TMEM184B: variants seen among roughly 807,000 people sequenced by gnomAD.
TMEM184B encodes the protein transmembrane protein 184B.
A neutral mutation model predicts 41.8 loss-of-function variants in TMEM184B; 17 were observed. The ratio of observed to expected loss-of-function variants is 0.41; its 90% CI spans 0.28 to 0.61. The LOEUF is 0.61. TMEM184B is among the 20% of genes least tolerant of loss of function. The probability of loss-of-function intolerance (pLI) is 0.34; values close to 1 mark genes in which losing one functional copy is unlikely to be tolerated. For missense variants in TMEM184B, 393 were observed against 557.8 expected (o/e 0.70, Z 2.98); for synonymous variants, 240 against 229.5 (o/e 1.05, Z -0.41).
Position 38,219,618 on chromosome 22 carries a change from C to A in TMEM184B, c.*1851G>T. ...ACATGTTCCCGTCCCCACGACCCCA[C>A]GGACCGCTGATTCCCTGCCACTGAG... is the stretch of plus-strand genomic sequence containing the variant. On this transcript the variant is annotated 3_prime_UTR_variant, in exon 9 of 9. Coordinates refer to ENST00000361906, the MANE Select transcript of TMEM184B (RefSeq NM_012264.5). 2 of 985,488 alleles carry A rather than the reference C, an allele frequency of 2.0e-6. No individual in the cohort carries two copies. Among genetic ancestry groups the A allele is most frequent in the Non-Finnish European group, 2.4e-6 (2 of 829,936 alleles). 61.0% of individuals were successfully genotyped at this position (985,488 alleles called of 1,614,324 possible).
chr22:38,258,005 G>A (rs911568562), intron 1 of TMEM184B, among the ~76,000 whole-genome samples: 3 of 152,042 alleles, frequency 2.0e-5, no homozygotes, highest in Non-Finnish European at 2.9e-5. Context: ...CAAATTCAAG[G>A]ACCCCCACCT....
At position 38,239,498 on chromosome 22, in the gene TMEM184B, T is replaced by TGGTTGG. The variant is rs1896955561; in HGVS notation, c.358+6431_358+6436dup. The stretch of plus-strand genomic sequence containing the variant: ...CGCTCCATGGTCACCGAGTGGCGGA[T>TGGTTGG]GGTTGGGGGTGGGGGTGGGAGTCAG... On this transcript the variant is annotated intron_variant, in intron 3 of 8. Transcript: ENST00000361906. The surrounding 1 kb of genome is among the most constrained non-coding windows in gnomAD (Gnocchi z 4.6). 6.6e-6 allele frequency: 1 copy of TGGTTGG among 151,264 alleles called. No individual in the cohort carries two copies. Among genetic ancestry groups the TGGTTGG allele is most frequent in the African/African-American group, 2.4e-5 (1 of 41,154 alleles). The allele number at this position is 151,264 out of a possible 1,614,324, so 9.4% of individuals were successfully genotyped here. A position where few individuals can be genotyped will look rare whatever the true frequency, so the allele number is the denominator to read the frequency against.
chr22:38,245,810 TAGG>T, intron 3 of TMEM184B, 122 bp downstream of exon 3: 1 of 989,226 alleles, frequency 1.0e-6, no homozygotes, highest in South Asian at 1.6e-5. Context: ...AACCCTGTAG[TAGG>T]TAAAGCAGCA....
rs2091248941 is a variant in TMEM184B at position 38,221,180 on chromosome 22, C to T, written c.*289G>A. ...GGGGCCTGGGTGCGGCTGGTCCCAG[C>T]ATGCCCCCAGCACAGGACGGGCAGC... On this transcript the variant is annotated 3_prime_UTR_variant, in exon 9 of 9. Coordinates refer to ENST00000361906, the MANE Select transcript of TMEM184B (RefSeq NM_012264.5). 2 of 1,254,842 alleles carry T rather than the reference C, an allele frequency of 1.6e-6. No homozygotes were observed. The highest frequency in any genetic ancestry group is 4.8e-5 in the South Asian group (2 of 42,014). 77.7% of individuals were successfully genotyped at this position (1,254,842 alleles called of 1,614,324 possible).
intron 1 of TMEM184B, among the ~76,000 whole-genome samples, chr22:38,267,007 C>T (rs1472356255): frequency 6.6e-6 from 1 of 151,404 alleles, no homozygotes; most frequent in Non-Finnish European, 1.5e-5. Flanking sequence ...GGCTTGAACC[C>T]GGGAAGCGGA....
intron 1 of TMEM184B, among the ~76,000 whole-genome samples, chr22:38,271,919 C>T (rs1602520229): frequency 6.6e-6 from 1 of 152,224 alleles, no homozygotes; most frequent in Non-Finnish European, 1.5e-5. Context: ...CTGAGACCTG[C>T]GCTGCCTCTG....
At chr22:38,224,003 A>G (rs984826288) in intron 8 of TMEM184B, 2 of 152,286 alleles carry the variant, frequency 1.3e-5, no homozygotes, top group Non-Finnish European at 1.5e-5. Flanking sequence ...ATTTTCCAGT[A>G]CAACTGGGGC....
chr22:38,258,927 C>A (rs1040203339), intron 1 of TMEM184B, among the ~76,000 whole-genome samples: 1 of 152,120 alleles, frequency 6.6e-6, no homozygotes, highest in Non-Finnish European at 1.5e-5. Context: ...CATCCAGTGT[C>A]GTTTATTTCT....
chr22:38,256,005 A>T (rs1403169244), intron 1 of TMEM184B, among the ~76,000 whole-genome samples: 1 of 152,194 alleles, frequency 6.6e-6, no homozygotes, highest in Non-Finnish European at 1.5e-5. Context: ...AGAACTACAC[A>T]TACACCCTAC....
intron 8 of TMEM184B, chr22:38,222,757 T>C (rs1238754061): frequency 2.1e-6 from 2 of 971,088 alleles, no homozygotes; most frequent in East Asian, 2.3e-4. Flanking sequence ...GAGTGAACAA[T>C]GTGTGCCCAC....
intron 3 of TMEM184B, among the ~76,000 whole-genome samples, chr22:38,240,525 A>G (rs1207350443): frequency 6.6e-6 from 1 of 152,122 alleles, no homozygotes; most frequent in Non-Finnish European, 1.5e-5. Flanking sequence ...GAATTCCAGA[A>G]AGGGAGATTG....
At chr22:38,237,071 T>C (rs1417643115) in intron 3 of TMEM184B, among the ~76,000 whole-genome samples, 2 of 152,124 alleles carry the variant, frequency 1.3e-5, no homozygotes, top group African/African-American at 4.8e-5. Context: ...TAGGAAGCTG[T>C]AGGCCAAGAG....
rs144056738 is a variant in TMEM184B at position 38,269,241 on chromosome 22, G to A, written c.-59+3643C>T. Among the ~76,000 whole-genome samples the A allele has an allele frequency of 7.8e-3, 1,181 of 152,234 alleles. 14 individuals carry two copies. The highest frequency in any genetic ancestry group is 0.017 in the Middle Eastern group (5 of 294). On this transcript the variant is annotated intron_variant, in intron 1 of 8. Transcript: ENST00000361906. The stretch of plus-strand genomic sequence containing the variant: ...CCTAGTGACCATTTCTTTTTAAGAC[G>A]GAGTCTTGTTCTATCACCCACCAGA...
chr22:38,223,362 C>T (rs1213520320), intron 8 of TMEM184B: 1 of 152,282 alleles, frequency 6.6e-6, no homozygotes, highest in Non-Finnish European at 1.5e-5. Flanking sequence ...CCCACGGGCA[C>T]AGGGTATACC....
intron 3 of TMEM184B, among the ~76,000 whole-genome samples, chr22:38,243,694 C>T (rs561460099): frequency 6.6e-6 from 1 of 152,256 alleles, no homozygotes; most frequent in South Asian, 2.1e-4. Flanking sequence ...CAGGATGGAA[C>T]GCCAGCCTGC....
intron 8 of TMEM184B, chr22:38,221,954 C>T (rs1297337793): frequency 3.4e-5 from 20 of 580,788 alleles, no homozygotes; most frequent in Non-Finnish European, 5.4e-5. Flanking sequence ...TAAACCCCCA[C>T]TGGGAGCTGG....
At chr22:38,232,866 C>T (rs1036372131) in intron 3 of TMEM184B, among the ~76,000 whole-genome samples, 1 of 152,198 alleles carries the variant, frequency 6.6e-6, no homozygotes, top group South Asian at 2.1e-4. Context: ...GCACCCTTCC[C>T]GCTGTACTCT....
chr22:38,268,157 C>A (rs1344954555), intron 1 of TMEM184B, among the ~76,000 whole-genome samples: 2 of 151,998 alleles, frequency 1.3e-5, no homozygotes, highest in Non-Finnish European at 2.9e-5. Context: ...CCAAGGCGGG[C>A]AGATCACAAG....
intron 3 of TMEM184B, among the ~76,000 whole-genome samples, chr22:38,240,882 T>C (rs527410315): frequency 1.1e-4 from 17 of 152,192 alleles, no homozygotes; most frequent in Non-Finnish European, 1.8e-4. Flanking sequence ...GATTTCCAAC[T>C]TAGGATTGTA....
Sources: gnomAD v4.1 joint callset for allele counts (sites outside exome capture counted in the v4.1 genomes callset) on GRCh38, gnomAD v4.1.1 for gene constraint, Gnocchi (gnomAD v3.1) non-coding constraint, MANE v1.5 for transcripts, NCBI Gene and HGNC (gene_info 2026-07-23, HGNC 2026-07-21) for gene names.